The following XKR9 variants were observed in gnomAD, a reference collection of about 807,000 sequenced individuals.
XKR9 encodes the protein XK related 9.
XKR9 carries 32 observed loss-of-function variants against 32.0 expected under a neutral mutation model. That is an observed-to-expected ratio of 1.00 (90% CI 0.76 to 1.34). The LOEUF is 1.34. Among genes scored for constraint, XKR9 ranks in the 40% most tolerant of loss-of-function variants. The probability of loss-of-function intolerance (pLI) is 0.00; values close to 1 mark genes in which losing one functional copy is unlikely to be tolerated. For synonymous variants in XKR9, 168 were observed against 143.4 expected (o/e 1.17, Z -1.22); for missense variants, 546 against 429.7 (o/e 1.27, Z -2.39).
chr8:70,811,426 G>A, the XKR9 span, among the ~76,000 whole-genome samples: 1 of 152,116 alleles, frequency 6.6e-6, no homozygotes, highest in African/African-American at 2.4e-5. Flanking sequence ...CAGAAGGCAA[G>A]AAATCACTAA....
the XKR9 span, among the ~76,000 whole-genome samples, chr8:70,943,937 A>C: frequency 6.6e-6 from 1 of 152,188 alleles, no homozygotes; most frequent in Non-Finnish European, 1.5e-5. Flanking sequence ...CTTATTAAGT[A>C]GCACATGTGA....
the XKR9 span, among the ~76,000 whole-genome samples, chr8:70,870,637 C>A: frequency 6.6e-6 from 1 of 152,182 alleles, no homozygotes; most frequent in African/African-American, 2.4e-5. Context: ...TCTCAGTTTA[C>A]TCACTTGGAA....
downstream of XKR9, among the ~76,000 whole-genome samples, chr8:70,738,309 G>A (rs1212734042): frequency 1.4e-5 from 2 of 143,932 alleles, no homozygotes; most frequent in Admixed American, 1.4e-4. Flanking sequence ...TGGGATCGGT[G>A]GTGATGTCCC....
At chr8:70,922,869 G>A in the XKR9 span, among the ~76,000 whole-genome samples, 1 of 152,192 alleles carries the variant, frequency 6.6e-6, no homozygotes, top group Admixed American at 6.5e-5. Context: ...GACTCACACG[G>A]ACATCAGAAA....
chr8:71,002,648 C>T, the XKR9 span, among the ~76,000 whole-genome samples: 1 of 152,136 alleles, frequency 6.6e-6, no homozygotes, highest in African/African-American at 2.4e-5. Context: ...ATATGCCATT[C>T]GGTGAAGCTT....
At chr8:70,935,972 G>A in the XKR9 span, among the ~76,000 whole-genome samples, 1,155 of 151,858 alleles carry the variant, frequency 7.6e-3, 6 homozygotes, top group Admixed American at 0.013. Flanking sequence ...ATTTATTTGA[G>A]CTTTTTCACT....
chr8:71,064,945 T>G, the XKR9 span, among the ~76,000 whole-genome samples: 10 of 152,144 alleles, frequency 6.6e-5, no homozygotes, highest in African/African-American at 2.2e-4. Flanking sequence ...GGGAAAGAGC[T>G]CTAGAGTATG....
the XKR9 span, among the ~76,000 whole-genome samples, chr8:71,046,909 G>GT: frequency 6.6e-6 from 1 of 152,140 alleles, no homozygotes; most frequent in East Asian, 1.9e-4. Context: ...CTGTAACTTT[G>GT]TATAAAAACT....
intron 2 of XKR9, among the ~76,000 whole-genome samples, chr8:70,760,339 A>G (rs1807290826): frequency 6.6e-6 from 1 of 152,162 alleles, no homozygotes; most frequent in African/African-American, 2.4e-5. Context: ...ACTGATTAGC[A>G]TTGGTTTCTT....
At chr8:70,864,406 T>C in the XKR9 span, among the ~76,000 whole-genome samples, 1 of 152,186 alleles carries the variant, frequency 6.6e-6, no homozygotes, top group Non-Finnish European at 1.5e-5. Flanking sequence ...ATGAGCATTG[T>C]ATTATAGAAA....
the XKR9 span, among the ~76,000 whole-genome samples, chr8:70,949,432 TTCTG>T: frequency 3.9e-5 from 6 of 151,958 alleles, no homozygotes; most frequent in African/African-American, 7.2e-5. Flanking sequence ...ATCTAGAAAT[TTCTG>T]TCTTTTACAT....
At chr8:70,738,876 A>T (rs529108769), downstream of XKR9, among the ~76,000 whole-genome samples, 18 of 152,006 alleles carry the variant, frequency 1.2e-4, no homozygotes, top group African/African-American at 3.9e-4. Flanking sequence ...TGCTGAGGAG[A>T]GCTTTACTTC....
chr8:70,771,874 G>A (rs1807458671), intron 2 of XKR9, among the ~76,000 whole-genome samples: 1 of 152,070 alleles, frequency 6.6e-6, no homozygotes, highest in African/African-American at 2.4e-5. Context: ...TAAGAGAATT[G>A]TAGATATTGA....
rs1806015545 is a variant in XKR9, at chr8:70,714,246, G to A, written c.493+7093G>A. Among the ~76,000 whole-genome samples the A allele has an allele frequency of 2.6e-5, 4 of 152,016 alleles. No individual in the cohort carries two copies. The South Asian group carries it at 6.2e-4, about 24-fold the overall frequency. On this transcript the variant is annotated intron_variant, in intron 4 of 4. Transcript: ENST00000408926. Reference sequence around the variant, plus strand: ...CAAAATATAGTCACATTGGGAGTTAGGGCTTCAATGTATGAATTTTGGGGA... The same window carrying A: ...CAAAATATAGTCACATTGGGAGTTAAGGCTTCAATGTATGAATTTTGGGGA...
At chr8:71,023,422 C>T in the XKR9 span, among the ~76,000 whole-genome samples, 2 of 152,144 alleles carry the variant, frequency 1.3e-5, no homozygotes, top group Non-Finnish European at 2.9e-5. Flanking sequence ...GTTATGTTTT[C>T]TTAGTGAAGG....
At chr8:70,792,545 G>A (rs572679112), downstream of XKR9, among the ~76,000 whole-genome samples, 1 of 152,192 alleles carries the variant, frequency 6.6e-6, no homozygotes, top group East Asian at 1.9e-4. Context: ...ATGAACTATG[G>A]AGTGAAAAAC....
chr8:71,008,075 G>A, the XKR9 span, among the ~76,000 whole-genome samples: 68,225 of 151,772 alleles, frequency 0.45, 16,241 homozygotes, highest in Non-Finnish European at 0.53. Flanking sequence ...CTATAAGAAT[G>A]TTTTACAAAC....
At chr8:70,745,480 C>G (rs1440011394) in intron 2 of XKR9, among the ~76,000 whole-genome samples, 11 of 152,134 alleles carry the variant, frequency 7.2e-5, no homozygotes, top group Admixed American at 7.2e-4. Flanking sequence ...GGTTCTCAAC[C>G]TTTAGTGTGC....
the XKR9 span, among the ~76,000 whole-genome samples, chr8:70,951,956 C>T: frequency 1.3e-5 from 2 of 151,920 alleles, no homozygotes; most frequent in Non-Finnish European, 1.5e-5. Context: ...AGGAAGAGAA[C>T]AGAATCCTTC....
Sources: gnomAD v4.1 joint callset for allele counts (sites outside exome capture counted in the v4.1 genomes callset) on GRCh38, gnomAD v4.1.1 for gene constraint, MANE v1.5 for transcripts, NCBI Gene and HGNC (gene_info 2026-07-23, HGNC 2026-07-21) for gene names.